Variants in PCDHGA7 observed in about 807,000 individuals in gnomAD.
PCDHGA7 encodes the protein protocadherin gamma-A7.
Under a neutral mutation model 58.3 loss-of-function variants are expected in PCDHGA7, and 44 were observed. The ratio of observed to expected loss-of-function variants is 0.75; its 90% CI spans 0.59 to 0.97. The LOEUF (loss-of-function observed/expected upper bound fraction) is 0.97. Ranked by LOEUF, PCDHGA7 falls within the 50% of genes least tolerant of loss-of-function variation. The probability of loss-of-function intolerance (pLI) is 0.00; values close to 1 mark genes in which losing one functional copy is unlikely to be tolerated. For synonymous variants in PCDHGA7, 516 were observed against 504.2 expected, an observed-to-expected ratio of 1.02 and a Z score of -0.31; for missense variants, 1,266 against 1,188.7, an observed-to-expected ratio of 1.06 and a Z score of -0.96.
chr5:141,492,859 C>T (rs966216924), intron 1 of PCDHGA7, among the ~76,000 whole-genome samples: 1 of 152,232 alleles, frequency 6.6e-6, no homozygotes, highest in Non-Finnish European at 1.5e-5. Flanking sequence ...CTCGAGCGCC[C>T]TGGCTCTCAA....
intron 1 of PCDHGA7, chr5:141,390,423 C>T: frequency 9.4e-7 from 1 of 1,058,546 alleles, no homozygotes; most frequent in Non-Finnish European, 1.3e-6. Context: ...AGTTAAAAAG[C>T]TGTCATATCA....
rs1160642304 is a variant in PCDHGA7 at position 141,415,415 on chromosome 5, T to C, written c.2424+30092T>C. 7 of 1,614,084 alleles carry C rather than the reference T, an allele frequency of 4.3e-6. No individual in the cohort carries two copies. In the Admixed American group the frequency reaches 8.3e-5, roughly 19 times the overall value. Reference sequence around the variant, plus strand: ...GTGTCCGGCTCGCACTTTGTGGGCGTGGACGGGGTTCGGGCTTTCCTGCAG... The same window carrying C: ...GTGTCCGGCTCGCACTTTGTGGGCGCGGACGGGGTTCGGGCTTTCCTGCAG... On this transcript the variant is annotated intron_variant, in intron 1 of 3. Coordinates refer to ENST00000518325, the MANE Select transcript of PCDHGA7 (RefSeq NM_018920.4).
At chr5:141,387,967 C>G in intron 1 of PCDHGA7, 1 of 1,489,226 alleles carries the variant, frequency 6.7e-7, no homozygotes, top group Non-Finnish European at 9.0e-7. Flanking sequence ...TTCTGCCCGG[C>G]GCTCTGTGAG....
Position 141,383,918 on chromosome 5 carries a change from T to C in PCDHGA7, c.1019T>C (p.Val340Ala). Residue 340 changes from valine to alanine, a missense_variant, in exon 1 of 4, where the codon GTA becomes GCA. Physicochemically the swap from Val to Ala is moderately conservative, Grantham distance 64. Coordinates refer to ENST00000518325, the MANE Select transcript of PCDHGA7 (RefSeq NM_018920.4). ...AAAGTACTGATCACAGTTTTAGATGTAAATGATAATGCTCCAGAAGTGACT... is the reference window on the plus strand; with the variant it reads ...AAAGTACTGATCACAGTTTTAGATGCAAATGATAATGCTCCAGAAGTGACT... Reference protein sequence around the residue: ...KAKVLITVLDVNDNAPEVTMT... With the variant: ...KAKVLITVLDANDNAPEVTMT... The C allele has an allele frequency of 6.2e-7, 1 of 1,613,948 alleles. No homozygotes were observed.
At chr5:141,398,555 G>A in intron 1 of PCDHGA7, 1 of 1,613,934 alleles carries the variant, frequency 6.2e-7, no homozygotes, top group Non-Finnish European at 8.5e-7. Context: ...CTGCAAATAA[G>A]TGAGTCTGCA....
chr5:141,428,063 C>T lies in PCDHGA7; in HGVS notation c.2424+42740C>T, dbSNP rs777477669. 12 of 1,609,054 alleles carry T rather than the reference C, an allele frequency of 7.5e-6. No individual in the cohort carries two copies. In the African/African-American group the frequency reaches 1.3e-4, roughly 18 times the overall value. ...TGGTGACCAAGGTGGTGGCGGTGGA[C>T]GCAGATTCGGGACACAACGCTTGGC... On this transcript the variant is annotated intron_variant, in intron 1 of 3. Coordinates refer to ENST00000518325, the MANE Select transcript of PCDHGA7 (RefSeq NM_018920.4).
Position 141,384,942 on chromosome 5 carries a change from C to T in PCDHGA7, c.2043C>T (p.Ser681=), listed in dbSNP as rs769507654. The T allele has an allele frequency of 6.2e-6, 10 of 1,613,874 alleles. No homozygotes were observed. The highest frequency in any genetic ancestry group is 2.7e-5 in the African/African-American group (2 of 74,894). Residue 681 remains serine, a synonymous_variant, in exon 1 of 4, where the codon TCC becomes TCT. Transcript: ENST00000518325. The part of the protein sequence containing the change: ...VLADLGSLEP[S]DGPYNYDLTL... ...CCGACCTGGGCAGCCTTGAGCCCTCCGACGGTCCTTACAACTATGACCTCA... is the reference window on the plus strand; with the variant it reads ...CCGACCTGGGCAGCCTTGAGCCCTCTGACGGTCCTTACAACTATGACCTCA...
chr5:141,402,944 G>A (rs1487270083), intron 1 of PCDHGA7: 2 of 1,592,136 alleles, frequency 1.3e-6, no homozygotes, highest in Non-Finnish European at 1.7e-6. Context: ...ATTCCAAAGC[G>A]AGGCAGCAAT....
intron 1 of PCDHGA7, chr5:141,413,690 A>G (rs553462819): frequency 6.2e-7 from 1 of 1,613,702 alleles, no homozygotes; most frequent in Non-Finnish European, 8.5e-7. Flanking sequence ...AACTCCCTGC[A>G]GAGCTATCAG....
intron 1 of PCDHGA7, chr5:141,440,191 A>G (rs1239698049): frequency 1.3e-5 from 2 of 152,376 alleles, no homozygotes; most frequent in African/African-American, 4.8e-5. Context: ...GTTGAAGGCC[A>G]GGCATGGTGG....
intron 1 of PCDHGA7, among the ~76,000 whole-genome samples, chr5:141,465,839 G>A (rs1166392052): frequency 6.6e-6 from 1 of 151,400 alleles, no homozygotes; most frequent in Non-Finnish European, 1.5e-5. Context: ...AATTTCAACT[G>A]AGGCTGGGCC....
chr5:141,417,862 G>C, intron 1 of PCDHGA7: 1 of 1,550,466 alleles, frequency 6.4e-7, no homozygotes, highest in Non-Finnish European at 8.7e-7. Flanking sequence ...AGCGAACGAT[G>C]GGAGGGAGCT....
chr5:141,393,497 C>T (rs375522990), intron 1 of PCDHGA7: 705 of 1,613,952 alleles, frequency 4.4e-4, no homozygotes, highest in Non-Finnish European at 5.6e-4. Flanking sequence ...CAGTGCGCAT[C>T]CACGTGACAG....
chr5:141,477,315 C>G lies in PCDHGA7; in HGVS notation c.2425-17492C>G. 2 of 1,614,188 alleles carry G rather than the reference C, an allele frequency of 1.2e-6. No individual in the cohort carries two copies. Among genetic ancestry groups the G allele is most frequent in the African/African-American group, 2.7e-5 (2 of 75,042 alleles). On this transcript the variant is annotated intron_variant, in intron 1 of 3. Coordinates refer to ENST00000518325, the MANE Select transcript of PCDHGA7 (RefSeq NM_018920.4). The surrounding 1 kb of genome is among the most constrained non-coding windows in gnomAD (Gnocchi z 4.9). ...CCACCGGGTCTCCCTTTCAGCCTTA[C>G]TTCTTCCCTCAAGAATTACTTCACT...
At position 141,477,868 on chromosome 5, in the gene PCDHGA7, C is replaced by G; in HGVS notation, c.2425-16939C>G. Reference sequence around the variant, plus strand: ...CGGTGGAGATGCTGCCTCGAGGTACCTCAGCTGGCCACCTAGTGTCACGGG... The same window carrying G: ...CGGTGGAGATGCTGCCTCGAGGTACGTCAGCTGGCCACCTAGTGTCACGGG... On this transcript the variant is annotated intron_variant, in intron 1 of 3. Coordinates refer to ENST00000518325, the MANE Select transcript of PCDHGA7 (RefSeq NM_018920.4). The surrounding 1 kb of genome is among the most constrained non-coding windows in gnomAD (Gnocchi z 4.9). 1 of 1,613,750 alleles carries G rather than the reference C, an allele frequency of 6.2e-7. No individual in the cohort carries two copies. Among genetic ancestry groups the G allele is most frequent in the Non-Finnish European group, 8.5e-7 (1 of 1,179,908 alleles).
At position 141,511,436 on chromosome 5, in the gene PCDHGA7, T is replaced by C. The variant is rs1371734719; in HGVS notation, c.*263T>C. The C allele has an allele frequency of 1.5e-5, 11 of 718,486 alleles. No individual in the cohort carries two copies. The highest frequency in any genetic ancestry group is 2.2e-5 in the Non-Finnish European group (10 of 461,474). The allele number at this position is 718,486 out of a possible 1,614,324, so 44.5% of individuals were successfully genotyped here. The stretch of plus-strand genomic sequence containing the variant: ...ACCCATGGGGGTAGTGGGGTTACTG[T>C]AGACACCAAGAACCATTTGCCACAC... On this transcript the variant is annotated 3_prime_UTR_variant, in exon 4 of 4. Coordinates refer to ENST00000518325, the MANE Select transcript of PCDHGA7 (RefSeq NM_018920.4).
At chr5:141,388,083 C>G in intron 1 of PCDHGA7, 9 of 1,358,266 alleles carry the variant, frequency 6.6e-6, no homozygotes, top group Non-Finnish European at 9.1e-6. Context: ...TCGAAAACTG[C>G]GCGTCAGTTC....
chr5:141,504,241 A>G (rs1282647590), intron 2 of PCDHGA7, among the ~76,000 whole-genome samples: 1 of 152,156 alleles, frequency 6.6e-6, no homozygotes, highest in Non-Finnish European at 1.5e-5. Flanking sequence ...AGAAGCAGAG[A>G]GTTCTTCTTA....
chr5:141,496,467 T>A (rs1334392771), intron 2 of PCDHGA7, among the ~76,000 whole-genome samples: 1 of 152,056 alleles, frequency 6.6e-6, no homozygotes, highest in Non-Finnish European at 1.5e-5. Context: ...GAGTTATCTT[T>A]CCCCCATCCT....
Sources: gnomAD v4.1 joint callset for allele counts (sites outside exome capture counted in the v4.1 genomes callset) on GRCh38, gnomAD v4.1.1 for gene constraint, Gnocchi (gnomAD v3.1) non-coding constraint, MANE v1.5 for transcripts, NCBI Gene and HGNC (gene_info 2026-07-23, HGNC 2026-07-21) for gene names.